TNIK: variants seen among roughly 807,000 people sequenced by gnomAD.
TNIK encodes the protein TRAF2 and NCK-interacting protein kinase.
A neutral mutation model predicts 191.3 loss-of-function variants in TNIK; 49 were observed. That is an observed-to-expected ratio of 0.26 (90% CI 0.20 to 0.32). The LOEUF is 0.32. TNIK is among the 10% of genes least tolerant of loss of function. TNIK has a pLI of 1.00. For missense variants in TNIK, 1,155 were observed against 1,702.3 expected, an observed-to-expected ratio of 0.68 and a Z score of 5.66; for synonymous variants, 594 against 600.9, an observed-to-expected ratio of 0.99 and a Z score of 0.17.
intron 1 of TNIK, among the ~76,000 whole-genome samples, chr3:171,391,930 A>AT (rs544507709): frequency 6.6e-6 from 1 of 152,128 alleles, no homozygotes; most frequent in African/African-American, 2.4e-5. Context: ...CTGTAGGACA[A>AT]TTTTTTTTGA....
rs563075485 is a variant in TNIK, at chr3:171,206,294, CACAG to C, written c.306+4818_306+4821del. Among the ~76,000 whole-genome samples the C allele has an allele frequency of 2.5e-4, 36 of 146,216 alleles. 1 individual carries two copies. Among genetic ancestry groups the C allele is most frequent in the East Asian group, 4.4e-4 (2 of 4,590 alleles). On this transcript the variant is annotated intron_variant, in intron 4 of 32. Coordinates refer to ENST00000436636, the MANE Select transcript of TNIK (RefSeq NM_015028.4). The stretch of plus-strand genomic sequence containing the variant: ...ATATACATATACATATGTATGTACA[CACAG>C]ACAAATAAATGAATATATGGAGATA...
intron 2 of TNIK, among the ~76,000 whole-genome samples, chr3:171,233,906 T>C (rs1408839464): frequency 6.6e-6 from 1 of 152,058 alleles, no homozygotes; most frequent in Non-Finnish European, 1.5e-5. Context: ...TAGGGTGGGG[T>C]TGTAAGCAGG....
rs1309940097 is a variant in TNIK at position 171,168,908 on chromosome 3, C to T, written c.774-1638G>A. Among the ~76,000 whole-genome samples, 4 of 152,320 alleles carry T rather than the reference C, an allele frequency of 2.6e-5. No homozygotes were observed. The East Asian group carries it at 7.7e-4, about 29-fold the overall frequency. ...TTCTGGACAAGAGCTGCAATATGGC[C>T]ACCTTCAAGTCTGCACTTTTGAGGG... is the stretch of plus-strand genomic sequence containing the variant. On this transcript the variant is annotated intron_variant, in intron 9 of 32. Coordinates refer to ENST00000436636, the MANE Select transcript of TNIK (RefSeq NM_015028.4).
Position 171,084,246 on chromosome 3 carries a change from G to A in TNIK, c.3078C>T (p.Asn1026=), listed in dbSNP as rs143054920. 4.3e-5 allele frequency: 69 copies of A among 1,613,624 alleles called. No individual in the cohort carries two copies. The East Asian group carries it at 1.5e-3, about 35-fold the overall frequency. Residue 1026 remains asparagine, a synonymous_variant, in exon 26 of 33, where the codon AAC becomes AAT. Transcript: ENST00000436636. ...CGCTATGAGGCCGAATGTTGGTTGG[G>A]TTTACATTTACCACCGAAATCTTTC... ...EARKISVVNV[N]PTNIRPHSDT... is the part of the protein sequence containing the mutation.
At chr3:171,068,700 A>G (rs1718779555) in intron 30 of TNIK, 148 bp downstream of exon 30, 1 of 615,086 alleles carries the variant, frequency 1.6e-6, no homozygotes, top group South Asian at 7.8e-5. Flanking sequence ...TTTAGTTATT[A>G]AAAGCAGTAT....
At chr3:171,157,117 G>A (rs1489819110) in intron 12 of TNIK, among the ~76,000 whole-genome samples, 1 of 152,172 alleles carries the variant, frequency 6.6e-6, no homozygotes, top group Non-Finnish European at 1.5e-5. Flanking sequence ...AGGTGCTAAG[G>A]GCTGTGTAAA....
At chr3:171,274,161 T>C (rs967201283) in intron 2 of TNIK, among the ~76,000 whole-genome samples, 1 of 152,196 alleles carries the variant, frequency 6.6e-6, no homozygotes, top group Non-Finnish European at 1.5e-5. Flanking sequence ...TTCTTTAGCA[T>C]ACAAGGAAAA....
At chr3:171,352,800 GC>G (rs1367963623) in intron 2 of TNIK, among the ~76,000 whole-genome samples, 4 of 152,078 alleles carry the variant, frequency 2.6e-5, no homozygotes, top group Non-Finnish European at 5.9e-5. Flanking sequence ...CTTGGTAAAC[GC>G]CTCCTTCTAA....
At chr3:171,162,665 C>T (rs543220553) in intron 10 of TNIK, among the ~76,000 whole-genome samples, 5 of 152,306 alleles carry the variant, frequency 3.3e-5, no homozygotes, top group Admixed American at 6.5e-5. Context: ...CCAGTCACTA[C>T]TGCTAGATAT....
chr3:171,066,372 C>T, intron 31 of TNIK, 46 bp from the exon 32 acceptor site: 1 of 1,535,640 alleles, frequency 6.5e-7, no homozygotes, highest in Non-Finnish European at 8.9e-7. Flanking sequence ...ATTAGATGGG[C>T]AATAACTCAC....
chr3:171,344,048 T>C (rs1189523733), intron 2 of TNIK, among the ~76,000 whole-genome samples: 1 of 152,222 alleles, frequency 6.6e-6, no homozygotes, highest in East Asian at 1.9e-4. Flanking sequence ...ATTCTGTCTC[T>C]TCCTAGAAAG....
intron 28 of TNIK, among the ~76,000 whole-genome samples, chr3:171,075,927 A>G (rs187923167): frequency 2.6e-5 from 4 of 152,116 alleles, no homozygotes; most frequent in Admixed American, 1.3e-4. Flanking sequence ...TAGTAGAGAC[A>G]GGGTTTCACT....
chr3:171,345,938 AATG>A (rs1304272783), intron 2 of TNIK, among the ~76,000 whole-genome samples: 1 of 152,150 alleles, frequency 6.6e-6, no homozygotes, highest in Admixed American at 6.5e-5. Flanking sequence ...TGAATGAATG[AATG>A]ATGAATGGAT....
rs1206029060 is a variant in TNIK, at chr3:171,194,526, C to T, written c.416G>A (p.Arg139Gln). ...GGCCAGTCCCCACTCGTAACCTACC[C>T]GTAAGATTTCCCTGCAGATGTATGC... ...WIAYICREILRGLSHLHQHKV... is the reference protein window; with the variant it reads ...WIAYICREILQGLSHLHQHKV... Residue 139 changes from arginine (R) to glutamine (Q), a missense_variant and splice_region_variant, in exon 5 of 33, where the codon CGG becomes CAG. Around this residue, in one of 3 missense-constraint regions of TNIK, gnomAD observed 225 missense variants for 438.9 expected, o/e 0.51. Transcript: ENST00000436636. 1.3e-5 allele frequency: 21 copies of T among 1,613,362 alleles called. No individual in the cohort carries two copies. The highest frequency in any genetic ancestry group is 6.7e-5 in the East Asian group (3 of 44,876).
chr3:171,145,090 T>TCTC (rs138320023), intron 12 of TNIK, among the ~76,000 whole-genome samples: 6 of 12,398 alleles, frequency 4.8e-4, no homozygotes, highest in African/African-American at 1.5e-3. Flanking sequence ...ATCTCTCTCT[T>TCTC]TTTTTTTTTT....
intron 12 of TNIK, among the ~76,000 whole-genome samples, chr3:171,150,055 G>A (rs1732228704): frequency 6.6e-6 from 1 of 150,888 alleles, no homozygotes; most frequent in African/African-American, 2.5e-5. Context: ...GGGTAGAAAT[G>A]CTGCACTGGT....
At chr3:171,430,647 C>CAAAAAAAAAAA (rs34307433) in intron 1 of TNIK, among the ~76,000 whole-genome samples, 4 of 113,970 alleles carry the variant, frequency 3.5e-5, no homozygotes, top group East Asian at 3.9e-4. Context: ...AAAAAACAGA[C>CAAAAAAAAAAA]AAAAAAAAAA....
intron 28 of TNIK, among the ~76,000 whole-genome samples, chr3:171,073,966 C>T (rs1051129759): frequency 2.0e-5 from 3 of 151,172 alleles, no homozygotes; most frequent in Admixed American, 2.0e-4. Flanking sequence ...TCTCAAAGAA[C>T]TAAAAATAGA....
At chr3:171,187,455 A>T (rs1365601044) in intron 7 of TNIK, among the ~76,000 whole-genome samples, 1 of 152,144 alleles carries the variant, frequency 6.6e-6, no homozygotes, top group Non-Finnish European at 1.5e-5. Context: ...AAAAGAGGCA[A>T]ATTTTCTGTC....
Sources: allele counts gnomAD v4.1 joint callset (sites outside exome capture counted in the v4.1 genomes callset), GRCh38; gene constraint gnomAD v4.1.1; regional missense constraint gnomAD v4.1.1; transcripts MANE v1.5; gene names NCBI Gene and HGNC (gene_info 2026-07-23, HGNC 2026-07-21).